Variants in EMC3 observed in about 807,000 individuals in gnomAD.
EMC3 encodes 30 kDa protein.
A neutral mutation model predicts 36.6 loss-of-function variants in EMC3; 13 were observed. The observed-to-expected ratio is 0.35, with a 90% CI of 0.23 to 0.56. EMC3 has a LOEUF of 0.56. Ranked by LOEUF, EMC3 falls within the 20% of genes least tolerant of loss-of-function variation. The probability of loss-of-function intolerance (pLI) is 0.84; values close to 1 mark genes in which losing one functional copy is unlikely to be tolerated. For synonymous variants in EMC3, 120 were observed against 111.9 expected (o/e 1.07, Z -0.46); for missense variants, 220 against 324.5 (o/e 0.68, Z 2.47).
intron 1 of EMC3, chr3:10,007,356 G>C (rs1302473505): frequency 7.4e-7 from 1 of 1,353,864 alleles, no homozygotes; most frequent in Non-Finnish European, 9.9e-7. Context: ...ATGCTGAGAG[G>C]TCCCCAGGAG....
chr3:9,999,158 A>G (rs565761184), intron 1 of EMC3, among the ~76,000 whole-genome samples: 220 of 152,198 alleles, frequency 1.4e-3, no homozygotes, highest in Non-Finnish European at 2.8e-3. Context: ...ATTTGCAAAC[A>G]TGTTCTCCCA....
In EMC3 at chr3:9,968,819, A is replaced by AT. The variant is rs561309442; in HGVS notation, c.657+899dup. 9.1e-3 allele frequency: 1,178 copies of AT among 128,932 alleles called. 8 individuals carry two copies. Among genetic ancestry groups the AT allele is most frequent in the Non-Finnish European group, 0.012 (711 of 58,950 alleles). The allele number at this position is 128,932 out of a possible 1,614,324, so 8.0% of individuals were successfully genotyped here. On this transcript the variant is annotated intron_variant, in intron 7 of 7. Coordinates refer to ENST00000245046, the MANE Select transcript of EMC3 (RefSeq NM_001394674.1). ...GCCACCGTGCCCAGCTCATTTTTGT[A>AT]TTTTTTTTTTTTTTTTGAGACAGAG...
At chr3:9,965,002 C>T (rs2085722256) in intron 7 of EMC3, among the ~76,000 whole-genome samples, 1 of 151,692 alleles carries the variant, frequency 6.6e-6, no homozygotes, top group South Asian at 2.1e-4. Flanking sequence ...ACTCTGGAGG[C>T]TGAGGCTAAG....
At chr3:9,964,367 C>G (rs770333588) in intron 7 of EMC3, among the ~76,000 whole-genome samples, 170 bp from the exon 8 acceptor site, 3 of 152,244 alleles carry the variant, frequency 2.0e-5, no homozygotes, top group African/African-American at 4.8e-5. Flanking sequence ...CTCTCCTCCC[C>G]CTCTTCCTGC....
chr3:9,995,299 A>C (rs947002750), intron 1 of EMC3, among the ~76,000 whole-genome samples: 1 of 151,882 alleles, frequency 6.6e-6, no homozygotes, highest in Non-Finnish European at 1.5e-5. Flanking sequence ...AGGAATTTCA[A>C]CTGATCTTGT....
chr3:9,984,274 G>A (rs185554300), intron 1 of EMC3, among the ~76,000 whole-genome samples: 52 of 151,872 alleles, frequency 3.4e-4, no homozygotes, highest in African/African-American at 1.2e-3. Flanking sequence ...TAGAGATGGG[G>A]TTTCACCATG....
chr3:9,997,235 CT>C (rs879325383), intron 1 of EMC3, among the ~76,000 whole-genome samples: 427 of 144,192 alleles, frequency 3.0e-3, no homozygotes, highest in Admixed American at 3.8e-3. Flanking sequence ...TTCCTTCTTT[CT>C]TTTTTTTTTT....
intron 5 of EMC3, among the ~76,000 whole-genome samples, chr3:9,973,045 G>C (rs565401502): frequency 6.6e-6 from 1 of 151,610 alleles, no homozygotes; most frequent in African/African-American, 2.4e-5. Context: ...AGCCAGGATG[G>C]TCTCAATCTG....
At chr3:10,006,919 G>A (rs1226948991) in intron 1 of EMC3, 4 of 316,384 alleles carry the variant, frequency 1.3e-5, no homozygotes, top group Non-Finnish European at 1.9e-5. Flanking sequence ...GCCCGGCAAC[G>A]TGGGAGCCTG....
chr3:9,983,189 C>G (rs2124916365), intron 1 of EMC3, among the ~76,000 whole-genome samples: 1 of 151,804 alleles, frequency 6.6e-6, no homozygotes, highest in Admixed American at 6.6e-5. Context: ...CTTCTGTGGC[C>G]CAGGCTGAAG....
chr3:9,972,772 A>C (rs2085800524), intron 5 of EMC3, among the ~76,000 whole-genome samples: 1 of 151,854 alleles, frequency 6.6e-6, no homozygotes, highest in African/African-American at 2.4e-5. Context: ...CTTGAAAAAA[A>C]AAACCCAAAA....
intron 7 of EMC3, 135 bp from the exon 8 acceptor site, chr3:9,964,332 C>T (rs1267882567): frequency 7.2e-7 from 1 of 1,390,974 alleles, no homozygotes; most frequent in African/African-American, 1.4e-5. Context: ...TTCAATCCTA[C>T]AAGGGAAATG....
chr3:10,008,334 A>C, intron 1 of EMC3: 1 of 1,215,148 alleles, frequency 8.2e-7, no homozygotes, highest in Non-Finnish European at 1.1e-6. Context: ...GGGTCAAGGG[A>C]CTATAGGGAA....
intron 1 of EMC3, chr3:10,007,772 T>G (rs1338401394): frequency 1.2e-6 from 1 of 802,212 alleles, no homozygotes; most frequent in Non-Finnish European, 1.8e-6. Flanking sequence ...GGGTTCCTAA[T>G]GAGCTTGAGG....
intron 7 of EMC3, among the ~76,000 whole-genome samples, chr3:9,967,520 T>C (rs1488602771): frequency 7.2e-6 from 1 of 139,664 alleles, no homozygotes; most frequent in African/African-American, 2.9e-5. Flanking sequence ...CAATTGATGA[T>C]AAATAGATGT....
intron 1 of EMC3, chr3:10,010,473 A>G (rs1395960533): frequency 6.6e-6 from 1 of 151,546 alleles, no homozygotes; most frequent in Non-Finnish European, 1.5e-5. Context: ...TCACCTCCTC[A>G]GAGAAGCCCT....
upstream of EMC3, among the ~76,000 whole-genome samples, chr3:9,990,841 TA>T (rs71626953): frequency 9.7e-4 from 133 of 136,510 alleles, no homozygotes; most frequent in African/African-American, 4.7e-3. Context: ...TTTATTTATT[TA>T]TTTTTTGAGA....
chr3:9,977,419 G>A lies in EMC3; in HGVS notation c.183C>T (p.Leu61=). The change falls in exon 2 of 8, where the codon CTC becomes CTT. Residue 61 remains leucine, a synonymous_variant. Transcript: ENST00000245046. Reference sequence around the variant, plus strand: ...TGGGAATGTATTTTCCATTTTCCCTGAGGACTCTGCTTCGAATTAGGACTT... The same window carrying A: ...TGGGAATGTATTTTCCATTTTCCCTAAGGACTCTGCTTCGAATTAGGACTT... ...DSQVLIRSRV[L]RENGKYIPKQ... is the part of the protein sequence containing the mutation. 6.2e-7 allele frequency: 1 copy of A among 1,612,656 alleles called. No homozygotes were observed. The highest frequency in any genetic ancestry group is 1.1e-5 in the South Asian group (1 of 90,686).
chr3:9,982,750 G>A (rs993999036), intron 1 of EMC3, among the ~76,000 whole-genome samples: 2 of 151,868 alleles, frequency 1.3e-5, no homozygotes, highest in African/African-American at 4.8e-5. Flanking sequence ...AGCTGAGCGT[G>A]GTGGCACACG....
Sources: gnomAD v4.1 joint callset for allele counts (sites outside exome capture counted in the v4.1 genomes callset) on GRCh38, gnomAD v4.1.1 for gene constraint, MANE v1.5 for transcripts, NCBI Gene and HGNC (gene_info 2026-07-23, HGNC 2026-07-21) for gene names.